FGF14: variants seen among roughly 807,000 people sequenced by gnomAD.
The protein encoded by FGF14 is fibroblast growth factor 14, also known as fibroblast growth factor homologous factor 4.
A neutral mutation model predicts 25.5 loss-of-function variants in FGF14; 5 were observed. The ratio of observed to expected loss-of-function variants is 0.20; its 90% CI spans 0.10 to 0.41. FGF14 has a LOEUF of 0.41. Ranked by LOEUF, FGF14 falls within the 10% of genes least tolerant of loss-of-function variation. The pLI, the probability that FGF14 is intolerant of heterozygous loss-of-function variation, is 1.00. For missense variants in FGF14, 222 were observed against 320.1 expected (o/e 0.69, Z 2.34); for synonymous variants, 138 against 118.3 (o/e 1.17, Z -1.08).
intron 1 of FGF14, among the ~76,000 whole-genome samples, chr13:101,957,840 T>C (rs929284927): frequency 2.6e-5 from 4 of 152,128 alleles, no homozygotes; most frequent in African/African-American, 9.7e-5. Flanking sequence ...ATCCACGTTA[T>C]ATATGATCAC....
rs543420376 is a variant in FGF14, at chr13:102,257,147, A to G, written c.208+144324T>C. Among the ~76,000 whole-genome samples, 175 of 152,220 alleles carry G rather than the reference A, an allele frequency of 1.1e-3. 2 individuals carry two copies. The highest frequency in any genetic ancestry group is 3.8e-3 in the African/African-American group (157 of 41,526). ...TTGGCATTTCTCTCACAACAATAGT[A>G]TCAGAGTATATAATGGTAGGTATAC... On this transcript the variant is annotated intron_variant, in intron 1 of 4. Coordinates refer to the FGF14 transcript ENST00000376131.
intron 1 of FGF14, among the ~76,000 whole-genome samples, chr13:102,026,257 C>A (rs9585832): frequency 1.4e-4 from 21 of 151,848 alleles, no homozygotes; most frequent in Admixed American, 3.9e-4. Flanking sequence ...AATGTATGTA[C>A]GTAACAACAA....
chr13:101,870,971 AATAAATACATAC>A (rs1482174308), intron 2 of FGF14, among the ~76,000 whole-genome samples: 27 of 141,682 alleles, frequency 1.9e-4, no homozygotes, highest in African/African-American at 6.3e-4. Flanking sequence ...TAAATAAATA[AATAAATACATAC>A]ATACATACAT....
chr13:102,012,474 A>G (rs892457477), intron 1 of FGF14, among the ~76,000 whole-genome samples: 7 of 152,124 alleles, frequency 4.6e-5, no homozygotes, highest in African/African-American at 1.7e-4. Flanking sequence ...GTTCATACAC[A>G]TGCTCCTGCC....
At chr13:101,941,590 T>C (rs1405157520) in intron 1 of FGF14, among the ~76,000 whole-genome samples, 1 of 152,212 alleles carries the variant, frequency 6.6e-6, no homozygotes, top group Non-Finnish European at 1.5e-5. Flanking sequence ...GTTTTTGGCA[T>C]TGAACCCAGG....
intron 1 of FGF14, among the ~76,000 whole-genome samples, chr13:101,959,647 TAA>T (rs2036720712): frequency 6.6e-6 from 1 of 152,236 alleles, no homozygotes; most frequent in Non-Finnish European, 1.5e-5. Context: ...AAGCTCAGGT[TAA>T]ATTCCACAAG....
intron 1 of FGF14, among the ~76,000 whole-genome samples, chr13:102,233,055 C>G (rs1015059989): frequency 2.0e-5 from 3 of 152,156 alleles, no homozygotes; most frequent in Non-Finnish European, 4.4e-5. Flanking sequence ...GCAGCCTCCT[C>G]TGGTCCCACC....
intron 1 of FGF14, among the ~76,000 whole-genome samples, chr13:101,939,539 C>G (rs2035308810): frequency 6.6e-6 from 1 of 152,176 alleles, no homozygotes; most frequent in Non-Finnish European, 1.5e-5. Context: ...ACACTTAGGC[C>G]AGGAAGCCCC....
At chr13:101,854,887 A>G (rs1377036749) in intron 3 of FGF14, among the ~76,000 whole-genome samples, 1 of 152,046 alleles carries the variant, frequency 6.6e-6, no homozygotes, top group Non-Finnish European at 1.5e-5. Flanking sequence ...TTTTATTTTC[A>G]TAGCCTCCAC....
intron 1 of FGF14, among the ~76,000 whole-genome samples, chr13:101,907,176 C>A (rs1477662922): frequency 6.6e-6 from 1 of 152,142 alleles, no homozygotes; most frequent in Non-Finnish European, 1.5e-5. Context: ...ACAAGCCACT[C>A]TGTCCAAACA....
intron 1 of FGF14, among the ~76,000 whole-genome samples, chr13:102,349,038 T>C (rs1207362064): frequency 2.6e-5 from 4 of 152,126 alleles, no homozygotes; most frequent in Non-Finnish European, 5.9e-5. Flanking sequence ...GGAGACCTTT[T>C]TGGTTGTCAA....
upstream of FGF14, among the ~76,000 whole-genome samples, chr13:101,919,794 G>T (rs1044140119): frequency 1.3e-5 from 2 of 152,130 alleles, no homozygotes; most frequent in African/African-American, 4.8e-5. Context: ...TTCTACCGAC[G>T]TTAATAACAC....
intron 1 of FGF14, among the ~76,000 whole-genome samples, chr13:102,077,981 G>C (rs1009011942): frequency 2.0e-5 from 3 of 152,074 alleles, no homozygotes; most frequent in East Asian, 3.9e-4. Context: ...TCTTGTGTTT[G>C]CAACAACATG....
At chr13:101,843,103 G>A (rs2984838) in intron 3 of FGF14, among the ~76,000 whole-genome samples, 99,582 of 152,010 alleles carry the variant, frequency 0.66, 33,764 homozygotes, top group African/African-American at 0.84. Flanking sequence ...AGGGGTGACC[G>A]AGTTCTAAAA....
intron 1 of FGF14, among the ~76,000 whole-genome samples, chr13:102,394,056 T>C (rs188540028): frequency 6.6e-6 from 1 of 152,312 alleles, no homozygotes; most frequent in African/African-American, 2.4e-5. Flanking sequence ...ATATCCTTCT[T>C]GTAGTAGCCG....
chr13:101,797,891 G>T (rs188853730), intron 3 of FGF14, among the ~76,000 whole-genome samples: 1 of 151,962 alleles, frequency 6.6e-6, no homozygotes, highest in Non-Finnish European at 1.5e-5. Flanking sequence ...TCATTGTCTT[G>T]AAGTTGTTTC....
intron 1 of FGF14, among the ~76,000 whole-genome samples, chr13:102,186,410 C>G (rs1331591000): frequency 6.6e-6 from 1 of 152,124 alleles, no homozygotes; most frequent in African/African-American, 2.4e-5. Context: ...ATATATGCCA[C>G]TAGGTATAAT....
chr13:101,771,753 G>T (rs940656089), intron 3 of FGF14, among the ~76,000 whole-genome samples: 1 of 151,954 alleles, frequency 6.6e-6, no homozygotes, highest in Non-Finnish European at 1.5e-5. Flanking sequence ...GAATTCTAGG[G>T]ATTCTGCATA....
chr13:102,113,537 A>G (rs1198150588), intron 1 of FGF14, among the ~76,000 whole-genome samples: 1 of 152,228 alleles, frequency 6.6e-6, no homozygotes, highest in Non-Finnish European at 1.5e-5. Flanking sequence ...ATATATCTAT[A>G]TTCTACATTG....
Sources: gnomAD v4.1 joint callset for allele counts (sites outside exome capture counted in the v4.1 genomes callset) on GRCh38, gnomAD v4.1.1 for gene constraint, MANE v1.5 for transcripts, NCBI Gene and HGNC (gene_info 2026-07-23, HGNC 2026-07-21) for gene names.